The following PDE4D variants were observed in gnomAD, a reference collection of about 807,000 sequenced individuals.
PDE4D encodes phosphodiesterase 4D, also known as 3',5'-cyclic-AMP phosphodiesterase 4D.
In PDE4D, 24 loss-of-function variants were observed where a neutral mutation model predicts 87.4. The observed-to-expected ratio is 0.27, with a 90% confidence interval of 0.20 to 0.39. The LOEUF (loss-of-function observed/expected upper bound fraction) is 0.39. Ranked by LOEUF, PDE4D falls within the 10% of genes least tolerant of loss-of-function variation. The pLI is 1.00. For synonymous variants in PDE4D, 384 were observed against 383.2 expected, an observed-to-expected ratio of 1.00 and a Z score of -0.02; for missense variants, 714 against 1,041.0, an observed-to-expected ratio of 0.69 and a Z score of 4.32.
At chr5:59,147,235 A>C (rs955576930) in intron 5 of PDE4D, among the ~76,000 whole-genome samples, 1 of 152,202 alleles carries the variant, frequency 6.6e-6, no homozygotes, top group African/African-American at 2.4e-5. Context: ...GTTCCATTTA[A>C]ATTTTAAAAA....
At chr5:59,809,970 A>T (rs1561697391) in intron 1 of PDE4D, among the ~76,000 whole-genome samples, 5 of 152,350 alleles carry the variant, frequency 3.3e-5, no homozygotes, top group Admixed American at 2.6e-4. Context: ...TGAATAAAAA[A>T]TGTATACTGC....
At chr5:59,195,487 C>A (rs932395299) in intron 2 of PDE4D, among the ~76,000 whole-genome samples, 2 of 152,136 alleles carry the variant, frequency 1.3e-5, no homozygotes, top group African/African-American at 2.4e-5. Context: ...CTAGAGAATG[C>A]CATGGAAGGC....
chr5:59,806,199 G>A (rs747984481), intron 1 of PDE4D, among the ~76,000 whole-genome samples: 8 of 152,306 alleles, frequency 5.3e-5, no homozygotes, highest in Non-Finnish European at 1.0e-4. Context: ...CTCAGACAGC[G>A]TTCCTCTCCA....
Position 60,407,435 on chromosome 5 carries a change from TTC to T in PDE4D, c.-90+80505_-90+80506del, listed in dbSNP as rs1162329237. The stretch of plus-strand genomic sequence containing the variant: ...CATCCTTACATTTGTATTACATTTT[TTC>T]TTTTTCCTTTTTTTTTTTTTTTTTT... On this transcript the variant is annotated intron_variant, in intron 1 of 16. Coordinates refer to the PDE4D transcript ENST00000502484. Among the ~76,000 whole-genome samples, 56 of 148,416 alleles carry T rather than the reference TTC, an allele frequency of 3.8e-4. No individual in the cohort carries two copies. In the East Asian group the frequency reaches 0.011, roughly 29 times the overall value.
intron 2 of PDE4D, among the ~76,000 whole-genome samples, chr5:60,046,857 G>T (rs1036229264): frequency 1.0e-3 from 152 of 152,256 alleles, no homozygotes; most frequent in African/African-American, 3.6e-3. Flanking sequence ...GCCTGGCTTT[G>T]GTATCAGGAT....
Position 59,593,252 on chromosome 5 carries a change from A to G in PDE4D, c.455+299916T>C, listed in dbSNP as rs376271598. The stretch of plus-strand genomic sequence containing the variant: ...AAAAATATTTCTCATGTAATAAAAT[A>G]AAGCCCAACTTCAAAACTTACTCAT... On this transcript the variant is annotated intron_variant, in intron 1 of 14. Coordinates refer to ENST00000340635, the MANE Select transcript of PDE4D (RefSeq NM_001104631.2). 5.9e-5 allele frequency among the ~76,000 whole-genome samples: 9 copies of G among 152,082 alleles called. No homozygotes were observed. In the South Asian group the frequency reaches 1.5e-3, roughly 25 times the overall value.
chr5:59,073,707 C>G (rs1765245809), intron 5 of PDE4D, among the ~76,000 whole-genome samples: 1 of 152,094 alleles, frequency 6.6e-6, no homozygotes, highest in Non-Finnish European at 1.5e-5. Context: ...TGATTACTTC[C>G]CAGCCAATTT....
At chr5:59,199,391 C>T (rs1252333430) in intron 2 of PDE4D, among the ~76,000 whole-genome samples, 4 of 151,814 alleles carry the variant, frequency 2.6e-5, no homozygotes, top group Non-Finnish European at 5.9e-5. Context: ...CCGCGCTGGC[C>T]GAATGGAATC....
chr5:59,278,278 T>C (rs560669859), intron 1 of PDE4D, among the ~76,000 whole-genome samples: 1 of 152,176 alleles, frequency 6.6e-6, no homozygotes, highest in East Asian at 1.9e-4. Flanking sequence ...GGAAAAGATA[T>C]GGCATTTCCC....
intron 1 of PDE4D, among the ~76,000 whole-genome samples, chr5:59,853,834 C>A (rs565873093): frequency 7.2e-5 from 11 of 152,024 alleles, no homozygotes; most frequent in African/African-American, 2.6e-4. Context: ...TTATCTTGCT[C>A]TTTTTTGGTT....
chr5:60,401,579 G>C (rs564063261), intron 1 of PDE4D, among the ~76,000 whole-genome samples: 28 of 152,298 alleles, frequency 1.8e-4, no homozygotes, highest in African/African-American at 6.5e-4. Flanking sequence ...ACAGGTGAAA[G>C]TGATCACACG....
chr5:60,316,907 T>A (rs572928896), intron 1 of PDE4D, among the ~76,000 whole-genome samples: 125 of 152,318 alleles, frequency 8.2e-4, no homozygotes, highest in African/African-American at 2.9e-3. Context: ...TATTGAGGAT[T>A]TTTGCATTGA....
chr5:59,466,886 T>C (rs966528394), intron 1 of PDE4D, among the ~76,000 whole-genome samples: 18 of 152,148 alleles, frequency 1.2e-4, no homozygotes, highest in African/African-American at 2.9e-4. Context: ...AATTCATACA[T>C]TGAAGTCCTC....
At chr5:59,758,734 A>T (rs1031301789) in intron 1 of PDE4D, among the ~76,000 whole-genome samples, 38 of 152,150 alleles carry the variant, frequency 2.5e-4, no homozygotes, top group Non-Finnish European at 2.9e-5. Flanking sequence ...TGAGTCACAG[A>T]ATTATTAAAT....
At chr5:59,023,467 C>CAA (rs3060391) in intron 6 of PDE4D, among the ~76,000 whole-genome samples, 228 of 128,620 alleles carry the variant, frequency 1.8e-3, no homozygotes, top group African/African-American at 6.2e-3. Flanking sequence ...CCTGTCTCTA[C>CAA]AAAAAAAAAA....
chr5:59,891,559 A>G (rs1292731012), intron 1 of PDE4D, among the ~76,000 whole-genome samples: 1 of 152,142 alleles, frequency 6.6e-6, no homozygotes, highest in East Asian at 1.9e-4. Flanking sequence ...AAACTTTTAT[A>G]TTAATTTATG....
chr5:59,810,075 T>C lies in PDE4D; in HGVS notation c.455+83093A>G, dbSNP rs141312924. ...CAAAGATAATTGTAATTCCATTGCC[T>C]GGTTAAGTCATGCTCAAGAAACACG... On this transcript the variant is annotated intron_variant, in intron 1 of 14. Transcript: ENST00000340635. Among the ~76,000 whole-genome samples the C allele has an allele frequency of 2.7e-3, 413 of 152,354 alleles. 4 individuals are homozygous for C. The highest frequency in any genetic ancestry group is 9.5e-3 in the African/African-American group (396 of 41,586).
chr5:59,214,595 T>C (rs1401869217), intron 2 of PDE4D, among the ~76,000 whole-genome samples: 1 of 152,192 alleles, frequency 6.6e-6, no homozygotes, highest in South Asian at 2.1e-4. Flanking sequence ...TTCAGAGCTT[T>C]AAATACACCA....
At chr5:60,031,651 C>T (rs1395965737) in intron 2 of PDE4D, among the ~76,000 whole-genome samples, 2 of 152,038 alleles carry the variant, frequency 1.3e-5, no homozygotes, top group Non-Finnish European at 2.9e-5. Flanking sequence ...TACTGCTAAA[C>T]CAAAGTTTTT....
Sources: gnomAD v4.1 joint callset for allele counts (sites outside exome capture counted in the v4.1 genomes callset) on GRCh38, gnomAD v4.1.1 for gene constraint, MANE v1.5 for transcripts, NCBI Gene and HGNC (gene_info 2026-07-23, HGNC 2026-07-21) for gene names.